CCDC117: variants seen among roughly 807,000 people sequenced by gnomAD.
The protein encoded by CCDC117 is coiled-coil domain containing 117, also known as coiled-coil domain-containing protein 117.
A neutral mutation model predicts 23.5 loss-of-function variants in CCDC117; 1 was observed. That is an observed-to-expected ratio of 0.04 (90% CI 0.02 to 0.20). The LOEUF (loss-of-function observed/expected upper bound fraction) is 0.20, where lower values mean the gene tolerates loss of function less well. CCDC117 is among the 10% of genes least tolerant of loss of function. The pLI is 1.00. For missense variants in CCDC117, 383 were observed against 348.2 expected, an observed-to-expected ratio of 1.10 and a Z score of -0.80; for synonymous variants, 132 against 124.8, an observed-to-expected ratio of 1.06 and a Z score of -0.39.
rs1427344671 is a variant in CCDC117, at chr22:28,786,191, C to T, written c.705C>T (p.Ser235=). The change falls in exon 5 of 5, where the codon AGC becomes AGT. Residue 235 remains serine (S), a synonymous_variant. Coordinates refer to ENST00000249064, the MANE Select transcript of CCDC117 (RefSeq NM_173510.4). The stretch of plus-strand genomic sequence containing the variant: ...ATACTAAGAACTATACAGGAGAGAG[C>T]CAAGCTAAGCATGTAGCTGCTGGCA... The part of the protein sequence containing the change: ...SSNTKNYTGE[S]QAKHVAAGTA... The T allele has an allele frequency of 1.9e-6, 3 of 1,613,954 alleles. No homozygotes were observed. In the African/African-American group the frequency reaches 4.0e-5, roughly 22 times the overall value.
Position 28,772,887 on chromosome 22 carries a change from T to G in CCDC117, c.38T>G (p.Leu13Arg). 8.1e-7 allele frequency: 1 copy of G among 1,235,696 alleles called. No individual in the cohort carries two copies. Among genetic ancestry groups the G allele is most frequent in the Non-Finnish European group, 1.0e-6 (1 of 988,742 alleles). 76.5% of individuals were successfully genotyped at this position (1,235,696 alleles called of 1,614,324 possible). The change falls in exon 1 of 5, where the codon CTG (leucine) becomes CGG (arginine). Residue 13 changes from leucine to arginine, a missense_variant. Physicochemically the swap from Leu to Arg is moderately radical, Grantham distance 102 (BLOSUM62 -2). Coordinates refer to ENST00000249064, the MANE Select transcript of CCDC117 (RefSeq NM_173510.4). ...ALGRPFSGLP[L>R]SGGSDFLQPP... Reference sequence around the variant, plus strand: ...GGCCGGCCCTTCAGCGGCCTCCCTCTGAGCGGCGGCTCGGACTTCCTGCAG... The same window carrying G: ...GGCCGGCCCTTCAGCGGCCTCCCTCGGAGCGGCGGCTCGGACTTCCTGCAG...
intron 2 of CCDC117, among the ~76,000 whole-genome samples, chr22:28,777,137 C>G (rs771873112): frequency 3.3e-5 from 5 of 149,278 alleles, no homozygotes; most frequent in Non-Finnish European, 5.9e-5. Context: ...CTCCCGTGTT[C>G]AAGTGATTCT....
chr22:28,779,460 C>T (rs757934931), intron 2 of CCDC117, among the ~76,000 whole-genome samples: 1 of 152,082 alleles, frequency 6.6e-6, no homozygotes, highest in African/African-American at 2.4e-5. Flanking sequence ...CCTGCCTCGG[C>T]CTCCCAAAGT....
intron 2 of CCDC117, 39 bp from the exon 3 acceptor site, chr22:28,780,909 T>G: frequency 7.1e-7 from 1 of 1,404,072 alleles, no homozygotes; most frequent in Non-Finnish European, 1.0e-6. Context: ...TCATTTATAT[T>G]AGTTGGGATT....
At position 28,781,573 on chromosome 22, in the gene CCDC117, G is replaced by A. The variant is rs1317341006; in HGVS notation, c.464+401G>A. ...TCACCGTTTTAGCCGGGATGGTCTC[G>A]ATCTCTTGACCTCGTGATCCGCCCG... is the stretch of plus-strand genomic sequence containing the variant. On this transcript the variant is annotated intron_variant, in intron 3 of 4. Coordinates refer to ENST00000249064, the MANE Select transcript of CCDC117 (RefSeq NM_173510.4). 2.5e-5 allele frequency among the ~76,000 whole-genome samples: 3 copies of A among 119,498 alleles called. 1 individual carries two copies. Among genetic ancestry groups the A allele is most frequent in the Non-Finnish European group, 4.9e-5 (3 of 61,402 alleles). 78.4% of individuals were successfully genotyped at this position (119,498 alleles called of 152,430 possible). A position where few individuals can be genotyped will look rare whatever the true frequency, so the allele number is the denominator to read the frequency against.
chr22:28,780,681 G>A (rs1453458776), intron 2 of CCDC117, among the ~76,000 whole-genome samples: 5 of 152,144 alleles, frequency 3.3e-5, no homozygotes, highest in African/African-American at 1.2e-4. Context: ...AAGCAGGAAT[G>A]ACTTTAAGGT....
intron 2 of CCDC117, among the ~76,000 whole-genome samples, chr22:28,775,486 G>C (rs2031136432): frequency 2.0e-5 from 3 of 152,132 alleles, no homozygotes; most frequent in South Asian, 2.1e-4. Flanking sequence ...AATTTTGAAC[G>C]TGAGTTTTTG....
At chr22:28,773,803 A>C in intron 2 of CCDC117, 25 bp downstream of exon 2, 1 of 1,596,230 alleles carries the variant, frequency 6.3e-7, no homozygotes, top group Non-Finnish European at 8.6e-7. Flanking sequence ...TTGTTTATTC[A>C]CTCTGTGGTC....
chr22:28,780,028 A>G (rs563623004), intron 2 of CCDC117, among the ~76,000 whole-genome samples: 2 of 152,182 alleles, frequency 1.3e-5, no homozygotes, highest in Non-Finnish European at 2.9e-5. Context: ...AGGTACAGGG[A>G]GTTAGTAAAA....
rs1414723932 is a variant in CCDC117 at position 28,781,330 on chromosome 22, GTTTTGTTTTTTTTTTTTTT to G, written c.464+163_464+181del. 3.2e-3 allele frequency among the ~76,000 whole-genome samples: 119 copies of G among 37,664 alleles called. 13 individuals are homozygous for G. Among genetic ancestry groups the G allele is most frequent in the African/African-American group, 0.017 (113 of 6,802 alleles). 24.7% of individuals were successfully genotyped at this position (37,664 alleles called of 152,430 possible). A position where few individuals can be genotyped will look rare whatever the true frequency, so the allele number is the denominator to read the frequency against. On this transcript the variant is annotated intron_variant, in intron 3 of 4. Transcript: ENST00000249064. ...AAAGTGTATTCGTTTTTGTTTTTTT[GTTTTGTTTTTTTTTTTTTT>G]TTTTTTTTTTTTTTTTTTTGAGACG...
chr22:28,784,647 C>T (rs1393289765), intron 4 of CCDC117, among the ~76,000 whole-genome samples: 4 of 152,212 alleles, frequency 2.6e-5, no homozygotes, highest in Admixed American at 2.6e-4. Context: ...TAATTAAGTA[C>T]CCATCCCTAA....
chr22:28,786,096 C>A lies in CCDC117; in HGVS notation c.610C>A (p.Pro204Thr), dbSNP rs1569200775. Residue 204 changes from proline to threonine, a missense_variant, in exon 5 of 5, where the codon CCT becomes ACT. By Grantham distance (38) the Pro-to-Thr change is conservative (BLOSUM62 -1). Transcript: ENST00000249064. ...TKKMIESMSR[P>T]SMELVLWKPL... ...CTGTATTTTATGTCTTAGGAGCCGT[C>A]CTTCCATGGAGCTTGTTCTCTGGAA... 1.9e-6 allele frequency: 3 copies of A among 1,602,484 alleles called. No individual in the cohort carries two copies. Among genetic ancestry groups the A allele is most frequent in the Non-Finnish European group, 2.5e-6 (3 of 1,176,966 alleles).
chr22:28,773,344 C>G (rs994681535), intron 1 of CCDC117: 8 of 182,852 alleles, frequency 4.4e-5, no homozygotes, highest in Non-Finnish European at 8.0e-5. Flanking sequence ...GCCCCCTCGG[C>G]GCGGCCGCTG....
In CCDC117 at chr22:28,780,969, G is replaced by A; in HGVS notation, c.261G>A (p.Arg87=). The A allele has an allele frequency of 6.2e-7, 1 of 1,613,066 alleles. No homozygotes were observed. The highest frequency in any genetic ancestry group is 8.5e-7 in the Non-Finnish European group (1 of 1,179,328). Residue 87 remains arginine, a synonymous_variant, in exon 3 of 5, where the codon AGG becomes AGA. Transcript: ENST00000249064. ...TCAGTTGTCCAGTAAGAAAGAAAAG[G>A]ATAACTGAAGCAGAGCTCTGTGCTG... ...EDDDCPVRKK[R]ITEAELCAGP...
In CCDC117 at chr22:28,780,929, T is replaced by A; in HGVS notation, c.240-19T>A. The A allele has an allele frequency of 6.4e-7, 1 of 1,555,550 alleles. No homozygotes were observed. Among genetic ancestry groups the A allele is most frequent in the Non-Finnish European group, 8.8e-7 (1 of 1,134,062 alleles). ...TATATTAGTTGGGATTTTCATTGAA[T>A]TTTTTTTCTTTTTTTCAGTTGTCCA... is the stretch of plus-strand genomic sequence containing the variant. On this transcript the variant is annotated intron_variant, in intron 2 of 4. Transcript: ENST00000249064.
intron 4 of CCDC117, among the ~76,000 whole-genome samples, chr22:28,784,265 CAA>C (rs1003327278): frequency 1.1e-4 from 16 of 152,172 alleles, no homozygotes; most frequent in African/African-American, 3.1e-4. Flanking sequence ...ACTGTGAGGA[CAA>C]GAGAGGAAAC....
In CCDC117 at chr22:28,788,953, T is replaced by C. The variant is rs1378951401; in HGVS notation, c.*2627T>C. Reference sequence around the variant, plus strand: ...TTTATCTGAGTTTGAGTAGGGTGCGTTGTGGATTTTGTTTTTTGGGTTTTT... The same window carrying C: ...TTTATCTGAGTTTGAGTAGGGTGCGCTGTGGATTTTGTTTTTTGGGTTTTT... On this transcript the variant is annotated 3_prime_UTR_variant, in exon 5 of 5. Transcript: ENST00000249064. 1 of 150,986 alleles carries C rather than the reference T, an allele frequency of 6.6e-6. No homozygotes were observed. The highest frequency in any genetic ancestry group is 6.6e-5 in the Admixed American group (1 of 15,106). The allele number at this position is 150,986 out of a possible 1,614,324, so 9.4% of individuals were successfully genotyped here.
chr22:28,779,593 A>G (rs2031263852), intron 2 of CCDC117, among the ~76,000 whole-genome samples: 1 of 152,294 alleles, frequency 6.6e-6, no homozygotes, highest in East Asian at 1.9e-4. Flanking sequence ...AGGAGTTAAA[A>G]CTAATTATAA....
chr22:28,781,300 A>G (rs2031309832), intron 3 of CCDC117, 128 bp downstream of exon 3: 1 of 524,816 alleles, frequency 1.9e-6, no homozygotes, highest in South Asian at 2.9e-5. Context: ...TAAGTCAGAT[A>G]ATTCAAAGTG....
Sources: gnomAD v4.1 joint callset for allele counts (sites outside exome capture counted in the v4.1 genomes callset) on GRCh38, gnomAD v4.1.1 for gene constraint, MANE v1.5 for transcripts, NCBI Gene and HGNC (gene_info 2026-07-23, HGNC 2026-07-21) for gene names.